The following ZFP42 variants were observed in gnomAD, a reference collection of about 807,000 sequenced individuals.
ZFP42 encodes zinc finger protein 42 homolog.
For missense variants in ZFP42, 438 were observed against 377.1 expected, an observed-to-expected ratio of 1.16 and a Z score of -1.34; for synonymous variants, 175 against 144.6, an observed-to-expected ratio of 1.21 and a Z score of -1.51.
chr4:188,004,294 A>C lies in ZFP42; in HGVS notation c.*554A>C, dbSNP rs555678229. 3.2e-5 allele frequency: 5 copies of C among 157,152 alleles called. No homozygotes were observed. Among genetic ancestry groups the C allele is most frequent in the African/African-American group, 1.2e-4 (5 of 41,078 alleles). 9.7% of individuals were successfully genotyped at this position (157,152 alleles called of 1,614,324 possible). On this transcript the variant is annotated 3_prime_UTR_variant, in exon 4 of 4. Transcript: ENST00000326866. The stretch of plus-strand genomic sequence containing the variant: ...AGTGAGATCCTGTCTCTACAAAAAA[A>C]TTTGTTTTTATTTGTATTTATATAT...
At position 188,003,346 on chromosome 4, in the gene ZFP42, A is replaced by C; in HGVS notation, c.539A>C (p.Lys180Thr). The C allele has an allele frequency of 6.2e-7, 1 of 1,613,986 alleles. No individual in the cohort carries two copies. Among genetic ancestry groups the C allele is most frequent in the East Asian group, 2.2e-5 (1 of 44,866 alleles). ...GCTAGAAAGAAGCCCCCCATAAATA[A>C]AGAATATGACAGTCTGAGCGCAATC... is the stretch of plus-strand genomic sequence containing the variant. The part of the protein sequence containing the change: ...EFARKKPPIN[K>T]EYDSLSAIAC... The change falls in exon 4 of 4, where the codon AAA becomes ACA. Residue 180 changes from lysine (K) to threonine (T), a missense_variant. Coordinates refer to ENST00000326866, the MANE Select transcript of ZFP42 (RefSeq NM_174900.5).
At chr4:187,996,200 T>C (rs916537351) in intron 1 of ZFP42, among the ~76,000 whole-genome samples, 1 of 152,256 alleles carries the variant, frequency 6.6e-6, no homozygotes, top group Admixed American at 6.5e-5. Context: ...CATGCTTACA[T>C]TGTGATCAAG....
At chr4:187,998,604 G>T (rs1443443870) in intron 1 of ZFP42, among the ~76,000 whole-genome samples, 2 of 152,070 alleles carry the variant, frequency 1.3e-5, no homozygotes, top group East Asian at 3.9e-4. Context: ...CTTTTGTACA[G>T]TATTTCTTCT....
At chr4:187,995,880 A>C (rs1733543166) in intron 1 of ZFP42, 40 bp downstream of exon 1, 1 of 152,210 alleles carries the variant, frequency 6.6e-6, no homozygotes, top group Non-Finnish European at 1.5e-5. Flanking sequence ...AATGGGGAGA[A>C]GGGGGTTGTG....
intron 1 of ZFP42, among the ~76,000 whole-genome samples, chr4:187,996,993 A>ATGGAGCGTGGAGCG (rs759475900): frequency 9.0e-6 from 1 of 110,688 alleles, no homozygotes; most frequent in Non-Finnish European, 2.0e-5. Context: ...TGTAGGGAGC[A>ATGGAGCGTGGAGCG]TGGAGCATGG....
intron 3 of ZFP42, among the ~76,000 whole-genome samples, chr4:188,000,634 A>G (rs560888498): frequency 6.6e-6 from 1 of 152,218 alleles, no homozygotes; most frequent in East Asian, 2.0e-4. Context: ...TTGTGCTCAC[A>G]AAGGGCTGGC....
intron 1 of ZFP42, among the ~76,000 whole-genome samples, chr4:187,998,419 T>C (rs1733688090): frequency 6.6e-6 from 1 of 152,184 alleles, no homozygotes; most frequent in Non-Finnish European, 1.5e-5. Flanking sequence ...GACAAATTTT[T>C]AAATAAGTTC....
chr4:188,002,860 G>C lies in ZFP42; in HGVS notation c.53G>C (p.Gly18Ala). 1.2e-6 allele frequency: 2 copies of C among 1,614,234 alleles called. No homozygotes were observed. The highest frequency in any genetic ancestry group is 1.7e-6 in the Non-Finnish European group (2 of 1,180,042). ...AAGACAAGACACCAGAAAGGCCTGG[G>C]TGGAAGAGCCCCCAGTGGGGCTAAG... is the stretch of plus-strand genomic sequence containing the variant. The part of the protein sequence containing the change: ...RAKTRHQKGL[G>A]GRAPSGAKPR... The change falls in exon 4 of 4, where the codon GGT (glycine) becomes GCT (alanine). Residue 18 changes from glycine (G) to alanine (A), a missense_variant. Coordinates refer to ENST00000326866, the MANE Select transcript of ZFP42 (RefSeq NM_174900.5).
Position 188,003,801 on chromosome 4 carries a change from A to G in ZFP42, c.*61A>G, listed in dbSNP as rs1733949707. 2.0e-6 allele frequency: 3 copies of G among 1,482,200 alleles called. No homozygotes were observed. The South Asian group carries it at 4.1e-5, about 20-fold the overall frequency. 91.8% of individuals were successfully genotyped at this position (1,482,200 alleles called of 1,614,324 possible). A position where few individuals can be genotyped will look rare whatever the true frequency, so the allele number is the denominator to read the frequency against. ...GATCAGTGACAAACATGCCTCATTG[A>G]TTATTGTTTCTAGGAAGGAATTTCT... On this transcript the variant is annotated 3_prime_UTR_variant, in exon 4 of 4. Transcript: ENST00000326866.
chr4:187,997,255 CAG>C (rs1408433975), intron 1 of ZFP42, among the ~76,000 whole-genome samples: 3 of 15,774 alleles, frequency 1.9e-4, no homozygotes, highest in African/African-American at 1.0e-3. Flanking sequence ...TTTTTTGAGA[CAG>C]AGTTTTGCTC....
chr4:188,004,079 T>A lies in ZFP42; in HGVS notation c.*339T>A, dbSNP rs1733965495. ...TTGGATTATTGGATATAAGACTTATTTTCATGTACTATAAATATGAAAATA... is the reference window on the plus strand; with the variant it reads ...TTGGATTATTGGATATAAGACTTATATTCATGTACTATAAATATGAAAATA... On this transcript the variant is annotated 3_prime_UTR_variant, in exon 4 of 4. Coordinates refer to ENST00000326866, the MANE Select transcript of ZFP42 (RefSeq NM_174900.5). 1 of 193,598 alleles carries A rather than the reference T, an allele frequency of 5.2e-6. No individual in the cohort carries two copies. Among genetic ancestry groups the A allele is most frequent in the Non-Finnish European group, 1.2e-5 (1 of 84,910 alleles). The allele number at this position is 193,598 out of a possible 1,614,324, so 12.0% of individuals were successfully genotyped here. A position where few individuals can be genotyped will look rare whatever the true frequency, so the allele number is the denominator to read the frequency against.
intron 1 of ZFP42, among the ~76,000 whole-genome samples, chr4:187,996,497 A>G (rs1178867208): frequency 1.3e-5 from 2 of 151,666 alleles, no homozygotes; most frequent in East Asian, 3.9e-4. Flanking sequence ...TTTAGTAGAG[A>G]CGGGGTTTCA....
chr4:187,998,778 CTG>C (rs1417608184), intron 1 of ZFP42, among the ~76,000 whole-genome samples: 3 of 152,194 alleles, frequency 2.0e-5, no homozygotes, highest in African/African-American at 7.2e-5. Context: ...TAGCTACACT[CTG>C]TGATGTTCAC....
In ZFP42 at chr4:188,003,347, A is replaced by G. The variant is rs1733917784; in HGVS notation, c.540A>G (p.Lys180=). The G allele has an allele frequency of 6.2e-7, 1 of 1,613,970 alleles. No individual in the cohort carries two copies. The change falls in exon 4 of 4, where the codon AAA becomes AAG. Residue 180 remains lysine (K), a synonymous_variant. Transcript: ENST00000326866. ...EFARKKPPIN[K]EYDSLSAIAC... ...CTAGAAAGAAGCCCCCCATAAATAAAGAATATGACAGTCTGAGCGCAATCG... is the reference window on the plus strand; with the variant it reads ...CTAGAAAGAAGCCCCCCATAAATAAGGAATATGACAGTCTGAGCGCAATCG...
At chr4:187,996,178 T>G (rs1733553818) in intron 1 of ZFP42, among the ~76,000 whole-genome samples, 2 of 152,080 alleles carry the variant, frequency 1.3e-5, no homozygotes, top group South Asian at 4.2e-4. Flanking sequence ...GGCTAAGTCT[T>G]TTCTATATTA....
In ZFP42 at chr4:188,002,931, C is replaced by T. The variant is rs779371610; in HGVS notation, c.124C>T (p.Pro42Ser). ...CCAAGACCTGCAGGCGGAAATAGAACCTGTCAGCGCGGTGTGGGCCTTATG... is the reference window on the plus strand; with the variant it reads ...CCAAGACCTGCAGGCGGAAATAGAATCTGTCAGCGCGGTGTGGGCCTTATG... ...SSQDLQAEIE[P>S]VSAVWALCDG... The change falls in exon 4 of 4, where the codon CCT becomes TCT. Residue 42 changes from proline to serine, a missense_variant. Transcript: ENST00000326866. The T allele has an allele frequency of 8.7e-6, 14 of 1,614,172 alleles. No individual in the cohort carries two copies. In the South Asian group the frequency reaches 1.5e-4, roughly 18 times the overall value.
chr4:187,995,966 C>T (rs1322304018), intron 1 of ZFP42, 126 bp downstream of exon 1: 1 of 152,304 alleles, frequency 6.6e-6, no homozygotes, highest in Non-Finnish European at 1.5e-5. Flanking sequence ...ATCCTGGGAC[C>T]AGGCCGGAGC....
At chr4:188,002,658 AC>A in intron 3 of ZFP42, 54 bp from the exon 4 acceptor site, 1 of 672,688 alleles carries the variant, frequency 1.5e-6, no homozygotes. Context: ...TCATTTTTTG[AC>A]AGTGGCTCTA....
intron 2 of ZFP42, among the ~76,000 whole-genome samples, 153 bp from the exon 3 acceptor site, chr4:187,999,456 A>G (rs1733726902): frequency 1.3e-5 from 2 of 152,128 alleles, no homozygotes; most frequent in East Asian, 3.9e-4. Context: ...TCTATGTAAC[A>G]CCCTGCATCA....
Sources: gnomAD v4.1 joint callset for allele counts (sites outside exome capture counted in the v4.1 genomes callset) on GRCh38, gnomAD v4.1.1 for gene constraint, MANE v1.5 for transcripts, NCBI Gene and HGNC (gene_info 2026-07-23, HGNC 2026-07-21) for gene names.